COLGALT2: variants seen among roughly 807,000 people sequenced by gnomAD.
COLGALT2 encodes collagen beta(1-O)galactosyltransferase 2, also known as procollagen galactosyltransferase 2.
Under a neutral mutation model 73.4 loss-of-function variants are expected in COLGALT2, and 49 were observed. The ratio of observed to expected loss-of-function variants is 0.67; its 90% CI spans 0.53 to 0.85. The LOEUF (loss-of-function observed/expected upper bound fraction) is 0.85. Ranked by LOEUF, COLGALT2 falls within the 40% of genes least tolerant of loss-of-function variation. COLGALT2 has a pLI of 0.00. For synonymous variants in COLGALT2, 295 were observed against 307.6 expected, an observed-to-expected ratio of 0.96 and a Z score of 0.43; for missense variants, 722 against 790.2, an observed-to-expected ratio of 0.91 and a Z score of 1.03.
intron 9 of COLGALT2, among the ~76,000 whole-genome samples, chr1:183,944,530 T>C (rs896348438): frequency 6.6e-6 from 1 of 152,238 alleles, no homozygotes; most frequent in Non-Finnish European, 1.5e-5. Flanking sequence ...CGCAACGTTA[T>C]AGGTGAATCT....
chr1:183,999,126 TG>T (rs1671847752), intron 1 of COLGALT2, among the ~76,000 whole-genome samples: 1 of 152,152 alleles, frequency 6.6e-6, no homozygotes. Context: ...TTTTGTTTTG[TG>T]GGTAGCATTT....
intron 8 of COLGALT2, chr1:183,946,649 G>A (rs1347878080): frequency 6.6e-6 from 1 of 152,212 alleles, no homozygotes; most frequent in Non-Finnish European, 1.5e-5. Context: ...AATGACAAGA[G>A]AGCTGGCAGA....
intron 1 of COLGALT2, among the ~76,000 whole-genome samples, chr1:183,997,899 G>C (rs1228097293): frequency 1.3e-5 from 2 of 152,122 alleles, no homozygotes; most frequent in Non-Finnish European, 2.9e-5. Context: ...CTATAATTTA[G>C]TGATCTATTT....
chr1:183,965,160 TCA>T (rs1670831786), intron 5 of COLGALT2, among the ~76,000 whole-genome samples: 1 of 152,204 alleles, frequency 6.6e-6, no homozygotes, highest in African/African-American at 2.4e-5. Flanking sequence ...CCGAGCAAAC[TCA>T]TTAGCTCTGC....
intron 1 of COLGALT2, among the ~76,000 whole-genome samples, chr1:184,012,545 T>C (rs764420104): frequency 6.6e-6 from 1 of 152,182 alleles, no homozygotes; most frequent in Non-Finnish European, 1.5e-5. Context: ...AACTTAGCAG[T>C]ATAATCAAGA....
intron 6 of COLGALT2, among the ~76,000 whole-genome samples, chr1:183,957,664 C>G (rs1270047608): frequency 6.6e-6 from 1 of 152,010 alleles, no homozygotes; most frequent in South Asian, 2.1e-4. Context: ...TCTTCCGCCG[C>G]ACAGCTCTGT....
intron 1 of COLGALT2, among the ~76,000 whole-genome samples, chr1:184,033,921 C>T (rs1649590237): frequency 6.6e-6 from 1 of 152,188 alleles, no homozygotes; most frequent in Admixed American, 6.5e-5. Flanking sequence ...TTCTATTTTA[C>T]AAAGTTCTGG....
In COLGALT2 at chr1:184,037,193, C is replaced by A. The variant is rs753485233; in HGVS notation, c.165G>T (p.Val55=). ...FPESPLQSPT[V]LVAVLARNAA... is the part of the protein sequence containing the mutation. ...CGTTGCGGGCGAGGACCGCCACGAG[C>A]ACCGTGGGGCTCTGCAGGGGCGACT... is the stretch of plus-strand genomic sequence containing the variant. Residue 55 remains valine, a synonymous_variant, in exon 1 of 12, where the codon GTG becomes GTT. Transcript: ENST00000361927. 1 of 1,604,996 alleles carries A rather than the reference C, an allele frequency of 6.2e-7. No homozygotes were observed. The highest frequency in any genetic ancestry group is 1.7e-5 in the Admixed American group (1 of 59,534).
chr1:183,994,925 C>T (rs1258451568), intron 1 of COLGALT2, among the ~76,000 whole-genome samples: 2 of 152,084 alleles, frequency 1.3e-5, no homozygotes, highest in Non-Finnish European at 2.9e-5. Context: ...ACTATACTGC[C>T]TATAGATAAA....
chr1:183,935,289 C>T (rs557065059), downstream of COLGALT2, among the ~76,000 whole-genome samples: 44 of 152,326 alleles, frequency 2.9e-4, no homozygotes, highest in Non-Finnish European at 6.0e-4. Flanking sequence ...CATTGGACTG[C>T]GGGCCCCACA....
chr1:183,937,282 G>A lies in COLGALT2; in HGVS notation c.*1479C>T, dbSNP rs1572624218. On this transcript the variant is annotated 3_prime_UTR_variant, in exon 12 of 12. Transcript: ENST00000361927. ...CGGTGCTGGTATGGGATGCCTGGGA[G>A]GGTTTTTCTGGAGACAAAAATTTAC... The A allele has an allele frequency of 1.8e-6, 2 of 1,135,296 alleles. No homozygotes were observed. The highest frequency in any genetic ancestry group is 4.5e-5 in the East Asian group (1 of 22,384). 70.3% of individuals were successfully genotyped at this position (1,135,296 alleles called of 1,614,324 possible). A position where few individuals can be genotyped will look rare whatever the true frequency, so the allele number is the denominator to read the frequency against.
At position 183,940,795 on chromosome 1, in the gene COLGALT2, G is replaced by A. The variant is rs1048568943; in HGVS notation, c.1398-8C>T. 3.7e-6 allele frequency: 6 copies of A among 1,612,708 alleles called. No homozygotes were observed. Among genetic ancestry groups the A allele is most frequent in the Non-Finnish European group, 5.1e-6 (6 of 1,178,838 alleles). On this transcript the variant is annotated splice_polypyrimidine_tract_variant and splice_region_variant and intron_variant, in intron 10 of 11. Transcript: ENST00000361927. ...CTCTTCCTACCAATATAACTGTAAG[G>A]AAATGGCAGAGGAGAAAAATTCCAC... is the stretch of plus-strand genomic sequence containing the variant.
At chr1:183,981,178 A>G (rs898452094) in intron 1 of COLGALT2, among the ~76,000 whole-genome samples, 2 of 152,178 alleles carry the variant, frequency 1.3e-5, no homozygotes, top group Admixed American at 6.5e-5. Context: ...AAACCTGCAC[A>G]TATACTCCCT....
intron 5 of COLGALT2, among the ~76,000 whole-genome samples, chr1:183,966,794 C>T (rs989715519): frequency 7.2e-5 from 11 of 152,294 alleles, no homozygotes; most frequent in South Asian, 2.1e-4. Context: ...AACAGAGACG[C>T]GCCTATGACC....
At chr1:183,945,934 A>G in intron 8 of COLGALT2, 1 of 188,572 alleles carries the variant, frequency 5.3e-6, no homozygotes, top group Non-Finnish European at 1.1e-5. Flanking sequence ...GAGCTTTGTG[A>G]AGTTCACAGC....
intron 1 of COLGALT2, among the ~76,000 whole-genome samples, chr1:184,027,134 TG>T (rs1649356330): frequency 1.3e-5 from 2 of 152,208 alleles, no homozygotes; most frequent in African/African-American, 4.8e-5. Flanking sequence ...GATGCATGCC[TG>T]GCTGGGTTTC....
chr1:184,027,738 G>A (rs1016327208), intron 1 of COLGALT2, among the ~76,000 whole-genome samples: 10 of 152,190 alleles, frequency 6.6e-5, no homozygotes, highest in Non-Finnish European at 1.5e-4. Context: ...GAAATCCATA[G>A]TTTGTCTTGC....
chr1:183,968,965 A>G (rs1670956958), intron 5 of COLGALT2, among the ~76,000 whole-genome samples: 1 of 152,088 alleles, frequency 6.6e-6, no homozygotes, highest in East Asian at 1.9e-4. Context: ...CTTCTATAAT[A>G]AACAATTGCA....
intron 1 of COLGALT2, among the ~76,000 whole-genome samples, chr1:183,983,114 A>G (rs1671396801): frequency 6.6e-6 from 1 of 152,232 alleles, no homozygotes; most frequent in South Asian, 2.1e-4. Flanking sequence ...TTGAGTTAAA[A>G]AACTGTCTGT....
Sources: allele counts gnomAD v4.1 joint callset (sites outside exome capture counted in the v4.1 genomes callset), GRCh38; gene constraint gnomAD v4.1.1; transcripts MANE v1.5; gene names NCBI Gene and HGNC (gene_info 2026-07-23, HGNC 2026-07-21).